Variants in MIB1 observed in about 807,000 individuals in gnomAD.
MIB1 encodes the protein MIB E3 ubiquitin protein ligase 1, also known as E3 ubiquitin-protein ligase MIB1.
In MIB1, 278 loss-of-function variants were observed where a neutral mutation model predicts 124.5. That is an observed-to-expected ratio of 2.23 (90% CI 2.02 to 2.47). The LOEUF (loss-of-function observed/expected upper bound fraction) is 2.47, where lower values mean the gene tolerates loss of function less well. Ranked by LOEUF, MIB1 falls within the 30% of genes most tolerant of loss-of-function variation. The pLI, the probability that MIB1 is intolerant of heterozygous loss-of-function variation, is 0.00. For synonymous variants in MIB1, 446 were observed against 429.4 expected (o/e 1.04, Z -0.48); for missense variants, 957 against 1,254.4 (o/e 0.76, Z 3.58).
chr18:21,835,145 G>GT (rs1444962453), intron 12 of MIB1, among the ~76,000 whole-genome samples: 12 of 152,064 alleles, frequency 7.9e-5, no homozygotes, highest in African/African-American at 2.9e-4. Context: ...AAAATATTAT[G>GT]TTTAGTCTCA....
intron 12 of MIB1, among the ~76,000 whole-genome samples, chr18:21,837,652 A>C: frequency 1.3e-5 from 2 of 152,224 alleles, no homozygotes; most frequent in East Asian, 3.8e-4. Flanking sequence ...TTAAATCTTT[A>C]ATTCTCTTTT....
intron 1 of MIB1, among the ~76,000 whole-genome samples, chr18:21,708,776 T>C (rs546080773): frequency 7.9e-5 from 12 of 152,262 alleles, no homozygotes; most frequent in Non-Finnish European, 1.3e-4. Context: ...GCACTGAGGA[T>C]CCAATCATAA....
chr18:21,765,647 G>A (rs1413324857), intron 1 of MIB1, 125 bp from the exon 2 acceptor site: 4 of 862,650 alleles, frequency 4.6e-6, no homozygotes, highest in African/African-American at 1.7e-5. Flanking sequence ...TAAATTTGAA[G>A]TGTTATTTCC....
intron 1 of MIB1, among the ~76,000 whole-genome samples, chr18:21,745,221 C>T (rs1176239393): frequency 1.3e-5 from 2 of 152,202 alleles, no homozygotes; most frequent in Non-Finnish European, 2.9e-5. Flanking sequence ...AAGTAAGTTG[C>T]AAAAGAAAAC....
At chr18:21,758,743 C>T (rs2041063233) in intron 1 of MIB1, among the ~76,000 whole-genome samples, 1 of 152,106 alleles carries the variant, frequency 6.6e-6, no homozygotes, top group African/African-American at 2.4e-5. Flanking sequence ...CTATGTTGGC[C>T]AGACTGGTCT....
chr18:21,805,823 T>A (rs2041698492), intron 10 of MIB1, among the ~76,000 whole-genome samples: 1 of 151,960 alleles, frequency 6.6e-6, no homozygotes, highest in Non-Finnish European at 1.5e-5. Context: ...ACATGAGAGG[T>A]TTTGCAGAAT....
intron 6 of MIB1, among the ~76,000 whole-genome samples, chr18:21,780,749 A>G (rs1041800259): frequency 1.3e-5 from 2 of 152,076 alleles, no homozygotes; most frequent in African/African-American, 4.8e-5. Flanking sequence ...TACCCGGCCC[A>G]CATTTTCTTT....
At chr18:21,822,322 A>T (rs552195272) in intron 12 of MIB1, among the ~76,000 whole-genome samples, 1 of 152,328 alleles carries the variant, frequency 6.6e-6, no homozygotes, top group Non-Finnish European at 1.5e-5. Flanking sequence ...GAGTAGGCAT[A>T]GTATATTCAA....
chr18:21,745,675 A>C (rs961807326), intron 1 of MIB1, among the ~76,000 whole-genome samples: 185 of 144,758 alleles, frequency 1.3e-3, no homozygotes, highest in Middle Eastern at 3.5e-3. Flanking sequence ...ATAGGTGTTA[A>C]ACACACACAC....
At chr18:21,764,248 G>T (rs2041130960) in intron 1 of MIB1, among the ~76,000 whole-genome samples, 1 of 151,740 alleles carries the variant, frequency 6.6e-6, no homozygotes, top group African/African-American at 2.4e-5. Context: ...TTCCTTCCTT[G>T]CTTCCCTCCT....
intron 1 of MIB1, among the ~76,000 whole-genome samples, chr18:21,746,994 T>G (rs2040919583): frequency 6.6e-6 from 1 of 152,178 alleles, no homozygotes; most frequent in South Asian, 2.1e-4. Flanking sequence ...TCTGATCTGT[T>G]TCTAGAACCA....
chr18:21,736,117 T>A (rs1483985579), upstream of MIB1, among the ~76,000 whole-genome samples: 1 of 152,206 alleles, frequency 6.6e-6, no homozygotes, highest in Admixed American at 6.5e-5. Flanking sequence ...AGACACCTCA[T>A]ACAGGAGAGC....
At chr18:21,840,034 A>C (rs915711992) in intron 13 of MIB1, among the ~76,000 whole-genome samples, 1 of 152,214 alleles carries the variant, frequency 6.6e-6, no homozygotes, top group South Asian at 2.1e-4. Context: ...GGCCTGGGCA[A>C]CAGAGCGAGA....
intron 6 of MIB1, among the ~76,000 whole-genome samples, chr18:21,782,709 T>G (rs1479475170): frequency 6.6e-6 from 1 of 152,178 alleles, no homozygotes; most frequent in Non-Finnish European, 1.5e-5. Context: ...TTGGAGAATG[T>G]TCCTCGTGCT....
intron 12 of MIB1, among the ~76,000 whole-genome samples, chr18:21,834,014 G>A (rs1054523893): frequency 6.6e-6 from 1 of 152,082 alleles, no homozygotes; most frequent in South Asian, 2.1e-4. Flanking sequence ...CTGAATTCTC[G>A]AGCTGGTAAC....
At position 21,869,118 on chromosome 18, in the gene MIB1, G is replaced by C. The variant is rs1460223763; in HGVS notation, c.*4452G>C. The stretch of plus-strand genomic sequence containing the variant: ...GCAGTAGGTACAGGAGAAGTGACTT[G>C]TCACATTAATTTGGTGCCTAAATCT... On this transcript the variant is annotated 3_prime_UTR_variant, in exon 21 of 21. Transcript: ENST00000261537. 1 of 152,424 alleles carries C rather than the reference G, an allele frequency of 6.6e-6. No homozygotes were observed. Among genetic ancestry groups the C allele is most frequent in the Non-Finnish European group, 1.5e-5 (1 of 67,890 alleles). 9.4% of individuals were successfully genotyped at this position (152,424 alleles called of 1,614,324 possible).
chr18:21,779,524 T>C lies in MIB1; in HGVS notation c.747T>C (p.Gly249=). 1 of 1,614,152 alleles carries C rather than the reference T, an allele frequency of 6.2e-7. No individual in the cohort carries two copies. The highest frequency in any genetic ancestry group is 2.2e-5 in the East Asian group (1 of 44,872). ...GNRNPGGLQI[G]DLVNIDLDLE... ...GGAATCCTGGTGGATTGCAGATTGG[T>C]GACCTGGTAAATATAGATCTCGACC... The change falls in exon 6 of 21, where the codon GGT becomes GGC. Residue 249 remains glycine, a synonymous_variant. Coordinates refer to ENST00000261537, the MANE Select transcript of MIB1 (RefSeq NM_020774.4).
At chr18:21,761,847 T>C (rs1340546786) in intron 1 of MIB1, among the ~76,000 whole-genome samples, 4 of 152,156 alleles carry the variant, frequency 2.6e-5, no homozygotes, top group Admixed American at 2.6e-4. Flanking sequence ...TATTTTACCA[T>C]TTTAAGGAAA....
In MIB1 at chr18:21,741,856, A is replaced by G; in HGVS notation, c.229+44A>G. ...GCCAGGGCTTGCGCGCGCGGGGGGA[A>G]GGGGCGAGCTGCGGTGGGCGTCGGT... On this transcript the variant is annotated intron_variant, in intron 1 of 20. Coordinates refer to ENST00000261537, the MANE Select transcript of MIB1 (RefSeq NM_020774.4). The surrounding 1 kb of genome is among the most constrained non-coding windows in gnomAD (Gnocchi z 5.4). The G allele has an allele frequency of 1.3e-6, 2 of 1,494,752 alleles. No individual in the cohort carries two copies. Among genetic ancestry groups the G allele is most frequent in the Non-Finnish European group, 1.8e-6 (2 of 1,111,506 alleles). 92.6% of individuals were successfully genotyped at this position (1,494,752 alleles called of 1,614,324 possible). A position where few individuals can be genotyped will look rare whatever the true frequency, so the allele number is the denominator to read the frequency against.
Sources: gnomAD v4.1 joint callset for allele counts (sites outside exome capture counted in the v4.1 genomes callset) on GRCh38, gnomAD v4.1.1 for gene constraint, Gnocchi (gnomAD v3.1) non-coding constraint, MANE v1.5 for transcripts, NCBI Gene and HGNC (gene_info 2026-07-23, HGNC 2026-07-21) for gene names.